Variants in DLG2 observed in about 807,000 individuals in gnomAD.
DLG2 encodes discs large MAGUK scaffold protein 2.
In DLG2, 45 loss-of-function variants were observed where a neutral mutation model predicts 132.5. The ratio of observed to expected loss-of-function variants is 0.34; its 90% CI spans 0.27 to 0.44. The LOEUF is 0.44. DLG2 is among the 20% of genes least tolerant of loss of function. The pLI is 1.00. For synonymous variants in DLG2, 424 were observed against 419.6 expected (o/e 1.01, Z -0.13); for missense variants, 1,045 against 1,196.9 (o/e 0.87, Z 1.87).
At chr11:83,636,680 C>T (rs2064940857) in intron 18 of DLG2, among the ~76,000 whole-genome samples, 4 of 152,240 alleles carry the variant, frequency 2.6e-5, no homozygotes, top group African/African-American at 7.2e-5. Context: ...CTTGTAGCTG[C>T]CTCATTTTTT....
chr11:84,196,806 C>T (rs971812924), intron 8 of DLG2, among the ~76,000 whole-genome samples: 6 of 151,592 alleles, frequency 4.0e-5, no homozygotes, highest in South Asian at 2.1e-4. Context: ...TTTGGGAGGC[C>T]GAGACGGGTG....
At chr11:85,115,198 G>A (rs890536337) in intron 5 of DLG2, among the ~76,000 whole-genome samples, 24 of 151,902 alleles carry the variant, frequency 1.6e-4, no homozygotes, top group African/African-American at 2.2e-4. Flanking sequence ...TGAATGGTAC[G>A]TTAGGTATAC....
intron 3 of DLG2, among the ~76,000 whole-genome samples, chr11:85,588,587 T>C (rs973298871): frequency 1.3e-5 from 2 of 152,190 alleles, no homozygotes; most frequent in Non-Finnish European, 2.9e-5. Context: ...ATATCCTGTA[T>C]TGTTTTTTAA....
At chr11:84,434,882 T>C (rs923708763) in intron 7 of DLG2, among the ~76,000 whole-genome samples, 1 of 150,138 alleles carries the variant, frequency 6.7e-6, no homozygotes, top group Non-Finnish European at 1.5e-5. Context: ...TTCAGGTTGT[T>C]TTATTAGAGT....
rs117393112 is a variant in DLG2, at chr11:83,920,116, C to T, written c.1496+10212G>A. Among the ~76,000 whole-genome samples the T allele has an allele frequency of 8.9e-3, 1,350 of 152,216 alleles. 10 individuals are homozygous for T. The highest frequency in any genetic ancestry group is 0.015 in the Non-Finnish European group (1,006 of 67,998). ...GTAAAATTTGGACAAAGGCTTTGGCCGCTTAGTAGTGGCCCAGTGTACCCT... is the reference window on the plus strand; with the variant it reads ...GTAAAATTTGGACAAAGGCTTTGGCTGCTTAGTAGTGGCCCAGTGTACCCT... On this transcript the variant is annotated intron_variant, in intron 15 of 27. Transcript: ENST00000376104.
intron 15 of DLG2, among the ~76,000 whole-genome samples, chr11:83,906,152 A>G (rs1222291121): frequency 6.6e-6 from 1 of 150,556 alleles, no homozygotes; most frequent in African/African-American, 2.4e-5. Flanking sequence ...AAAGTTATAA[A>G]TAGTTTTGTG....
intron 4 of DLG2, among the ~76,000 whole-genome samples, chr11:85,169,064 A>G (rs191071556): frequency 3.3e-5 from 5 of 152,244 alleles, no homozygotes; most frequent in Admixed American, 3.3e-4. Flanking sequence ...GTGAAGTAGT[A>G]TTTGCATATA....
chr11:84,939,283 C>G (rs10792792), intron 6 of DLG2, among the ~76,000 whole-genome samples: 108,609 of 151,810 alleles, frequency 0.72, 39,934 homozygotes, highest in East Asian at 0.95. Context: ...TGGGTACTTA[C>G]TAGGTATATC....
At chr11:84,260,092 AT>A (rs2097531761) in intron 7 of DLG2, among the ~76,000 whole-genome samples, 1 of 152,204 alleles carries the variant, frequency 6.6e-6, no homozygotes. Context: ...AAATAAATGA[AT>A]ATCCTATGAA....
At chr11:85,082,196 A>T (rs1339620788) in intron 6 of DLG2, among the ~76,000 whole-genome samples, 2 of 152,218 alleles carry the variant, frequency 1.3e-5, no homozygotes, top group Non-Finnish European at 2.9e-5. Context: ...CTCCCTAAAC[A>T]CATTAAGAAA....
intron 6 of DLG2, among the ~76,000 whole-genome samples, chr11:85,017,087 T>C (rs1047381465): frequency 6.6e-6 from 1 of 152,200 alleles, no homozygotes; most frequent in Non-Finnish European, 1.5e-5. Flanking sequence ...AGATATCTTA[T>C]GGTCCTCAAA....
At chr11:85,027,735 T>C (rs2060654728) in intron 6 of DLG2, among the ~76,000 whole-genome samples, 1 of 152,178 alleles carries the variant, frequency 6.6e-6, no homozygotes, top group African/African-American at 2.4e-5. Context: ...CACCTGCATC[T>C]GGATAAGGGG....
chr11:84,314,675 T>C (rs753650960), intron 7 of DLG2, among the ~76,000 whole-genome samples: 4 of 151,944 alleles, frequency 2.6e-5, no homozygotes, highest in Non-Finnish European at 4.4e-5. Flanking sequence ...AAAATTGAAA[T>C]AATATAGAAC....
At chr11:84,722,082 A>C (rs1355270531) in intron 6 of DLG2, among the ~76,000 whole-genome samples, 1 of 152,194 alleles carries the variant, frequency 6.6e-6, no homozygotes. Flanking sequence ...AAAGTAGTAG[A>C]GGAGAGTTTA....
chr11:84,453,117 A>C (rs1253009381), intron 7 of DLG2, among the ~76,000 whole-genome samples: 1 of 151,612 alleles, frequency 6.6e-6, no homozygotes, highest in Non-Finnish European at 1.5e-5. Context: ...TGGACATGTT[A>C]ACTTGGAGAT....
At chr11:84,165,315 G>A (rs1490574444) in intron 8 of DLG2, among the ~76,000 whole-genome samples, 1 of 152,116 alleles carries the variant, frequency 6.6e-6, no homozygotes, top group East Asian at 1.9e-4. Flanking sequence ...TAAAAGACAA[G>A]AATATTTTAG....
At chr11:85,373,272 A>G (rs2085135017) in intron 3 of DLG2, among the ~76,000 whole-genome samples, 1 of 152,062 alleles carries the variant, frequency 6.6e-6, no homozygotes, top group Non-Finnish European at 1.5e-5. Flanking sequence ...TCATTTTGAT[A>G]CATGTTTCCT....
At chr11:85,615,513 T>C (rs946602474) in intron 2 of DLG2, among the ~76,000 whole-genome samples, 1 of 151,350 alleles carries the variant, frequency 6.6e-6, no homozygotes, top group African/African-American at 2.4e-5. Context: ...CAAGATTCCA[T>C]CTCAAAAAAA....
chr11:85,200,085 T>C (rs1336517744), intron 4 of DLG2, among the ~76,000 whole-genome samples: 3 of 152,064 alleles, frequency 2.0e-5, no homozygotes, highest in African/African-American at 4.8e-5. Context: ...AGAAGTCTTG[T>C]GAATTCAGAT....
Sources: allele counts gnomAD v4.1 joint callset (sites outside exome capture counted in the v4.1 genomes callset), GRCh38; gene constraint gnomAD v4.1.1; transcripts MANE v1.5; gene names NCBI Gene and HGNC (gene_info 2026-07-23, HGNC 2026-07-21).